Variants in MTA3 observed in about 807,000 individuals in gnomAD.
The protein encoded by MTA3 is metastasis-associated protein MTA3.
Under a neutral mutation model 83.5 loss-of-function variants are expected in MTA3, and 34 were observed. That is an observed-to-expected ratio of 0.41 (90% confidence interval 0.31 to 0.54). The LOEUF (loss-of-function observed/expected upper bound fraction) is 0.54. MTA3 is among the 20% of genes least tolerant of loss of function. The pLI, the probability that MTA3 is intolerant of heterozygous loss-of-function variation, is 0.33. For missense variants in MTA3, 761 were observed against 726.4 expected (o/e 1.05, Z -0.55); for synonymous variants, 303 against 252.7 (o/e 1.20, Z -1.89).
intron 16 of MTA3, among the ~76,000 whole-genome samples, chr2:42,749,135 A>C (rs1669669515): frequency 2.0e-5 from 3 of 152,220 alleles, no homozygotes; most frequent in Admixed American, 1.3e-4. Context: ...ATAAGCAAGT[A>C]ATGTGAGGGG....
At chr2:42,640,749 A>C (rs1424205189) in intron 5 of MTA3, among the ~76,000 whole-genome samples, 1 of 152,234 alleles carries the variant, frequency 6.6e-6, no homozygotes, top group Non-Finnish European at 1.5e-5. Flanking sequence ...GAAAGGAGGA[A>C]ATTTTTATAA....
chr2:42,559,333 C>G (rs1677550662), intron 2 of MTA3, among the ~76,000 whole-genome samples: 1 of 151,122 alleles, frequency 6.6e-6, no homozygotes, highest in East Asian at 2.0e-4. Flanking sequence ...GAAACCCTGT[C>G]TCTACTAAAA....
chr2:42,706,022 T>G (rs963199091), intron 12 of MTA3, among the ~76,000 whole-genome samples: 4 of 152,206 alleles, frequency 2.6e-5, no homozygotes, highest in Non-Finnish European at 4.4e-5. Context: ...TTAGTTTACG[T>G]AAAATGTATG....
At chr2:42,656,722 C>G (rs1013773348) in intron 7 of MTA3, among the ~76,000 whole-genome samples, 1 of 152,156 alleles carries the variant, frequency 6.6e-6, no homozygotes, top group Non-Finnish European at 1.5e-5. Flanking sequence ...TAGCACTTTG[C>G]CTTGAGAGCT....
chr2:42,625,092 C>T (rs912745587), intron 4 of MTA3, among the ~76,000 whole-genome samples: 19 of 151,934 alleles, frequency 1.3e-4, no homozygotes, highest in African/African-American at 4.4e-4. Flanking sequence ...AGTGCAGTGG[C>T]GCCATCTCGG....
At position 42,594,415 on chromosome 2, in the gene MTA3, T is replaced by C. The variant is rs1341336862; in HGVS notation, c.191-15043T>C. Among the ~76,000 whole-genome samples the C allele has an allele frequency of 6.0e-5, 9 of 150,672 alleles. No individual in the cohort carries two copies. The South Asian group carries it at 6.3e-4, about 11-fold the overall frequency. On this transcript the variant is annotated intron_variant, in intron 3 of 16. Coordinates refer to ENST00000405094, the MANE Select transcript of MTA3 (RefSeq NM_001330442.2). ...CCATGCCCGGCTAATTTTTTGTGTT[T>C]TTAGTAGAGACAGGGTTTCACCATG...
At chr2:42,619,641 T>C (rs1192335891) in intron 4 of MTA3, among the ~76,000 whole-genome samples, 3 of 152,162 alleles carry the variant, frequency 2.0e-5, no homozygotes, top group African/African-American at 7.2e-5. Flanking sequence ...CAGGATTGTG[T>C]GTGTATGTAT....
chr2:42,731,967 T>A (rs528861087), intron 16 of MTA3, among the ~76,000 whole-genome samples: 1 of 152,210 alleles, frequency 6.6e-6, no homozygotes, highest in African/African-American at 2.4e-5. Flanking sequence ...TGAAATCCAG[T>A]TGGGCAGTCA....
chr2:42,533,211 G>C (rs1458815338), intron 2 of MTA3: 7 of 151,828 alleles, frequency 4.6e-5, no homozygotes, highest in African/African-American at 1.7e-4. Context: ...TGAGTTGCTG[G>C]GATTACAGGT....
chr2:42,745,606 G>A (rs1192589896), intron 16 of MTA3, among the ~76,000 whole-genome samples: 1 of 152,014 alleles, frequency 6.6e-6, no homozygotes, highest in African/African-American at 2.4e-5. Flanking sequence ...AGCTGGTCTC[G>A]ATTTCCCAGC....
intron 3 of MTA3, among the ~76,000 whole-genome samples, chr2:42,594,468 C>T (rs939366065): frequency 2.0e-5 from 3 of 150,288 alleles, no homozygotes; most frequent in Non-Finnish European, 4.4e-5. Context: ...AAACTCCTGA[C>T]CTCAGGTGAT....
In MTA3 at chr2:42,594,883, C is replaced by T. The variant is rs570904253; in HGVS notation, c.191-14575C>T. On this transcript the variant is annotated intron_variant, in intron 3 of 16. Coordinates refer to ENST00000405094, the MANE Select transcript of MTA3 (RefSeq NM_001330442.2). The stretch of plus-strand genomic sequence containing the variant: ...CTGGGACTACAAGAGCCTGCCACTA[C>T]GCCTGGCTAATTATTTATTTATTTA... Among the ~76,000 whole-genome samples, 42 of 116,114 alleles carry T rather than the reference C, an allele frequency of 3.6e-4. 1 individual carries two copies. The South Asian group carries it at 4.4e-3, about 12-fold the overall frequency. 76.2% of individuals were successfully genotyped at this position (116,114 alleles called of 152,430 possible).
intron 2 of MTA3, among the ~76,000 whole-genome samples, chr2:42,505,269 G>GCC (rs1674580765): frequency 1.3e-5 from 2 of 152,224 alleles, no homozygotes; most frequent in South Asian, 4.1e-4. Context: ...GCATGCACCT[G>GCC]TAGTCCCAGC....
intron 11 of MTA3, among the ~76,000 whole-genome samples, chr2:42,701,072 T>A (rs1195960707): frequency 6.6e-6 from 1 of 152,122 alleles, no homozygotes; most frequent in Non-Finnish European, 1.5e-5. Flanking sequence ...CACTCTAGTC[T>A]GGGCAACAGA....
At chr2:42,673,262 T>C (rs551088714) in intron 8 of MTA3, among the ~76,000 whole-genome samples, 163 of 152,258 alleles carry the variant, frequency 1.1e-3, no homozygotes, top group African/African-American at 3.8e-3. Context: ...TTTAAATAGA[T>C]GTGATATTCT....
At chr2:42,634,975 A>G (rs1424413840) in intron 4 of MTA3, among the ~76,000 whole-genome samples, 1 of 152,060 alleles carries the variant, frequency 6.6e-6, no homozygotes, top group Admixed American at 6.6e-5. Flanking sequence ...TTTGTTTTCC[A>G]TGGAGTTTAT....
chr2:42,524,886 G>GC (rs79128924), intron 2 of MTA3, among the ~76,000 whole-genome samples: 149,135 of 149,136 alleles, frequency 1, 74,567 homozygotes, highest in Non-Finnish European at 1. Flanking sequence ...AGGCCTGAAG[G>GC]CATCCTGGCG....
At chr2:42,615,332 T>C (rs1046019479) in intron 4 of MTA3, among the ~76,000 whole-genome samples, 1 of 151,610 alleles carries the variant, frequency 6.6e-6, no homozygotes, top group Non-Finnish European at 1.5e-5. Context: ...CCTTGTATAG[T>C]GTTTACATTT....
chr2:42,644,761 G>C (rs1688016500), intron 6 of MTA3, among the ~76,000 whole-genome samples: 1 of 152,092 alleles, frequency 6.6e-6, no homozygotes, highest in African/African-American at 2.4e-5. Flanking sequence ...AGTGATCTTA[G>C]AGGTAACTAT....
Sources: allele counts gnomAD v4.1 joint callset (sites outside exome capture counted in the v4.1 genomes callset), GRCh38; gene constraint gnomAD v4.1.1; transcripts MANE v1.5; gene names NCBI Gene and HGNC (gene_info 2026-07-23, HGNC 2026-07-21).